The following TFAP2E variants were observed in gnomAD, a reference collection of about 807,000 sequenced individuals.
TFAP2E encodes the protein transcription factor AP-2-epsilon.
Under a neutral mutation model 37.9 loss-of-function variants are expected in TFAP2E, and 30 were observed. That is an observed-to-expected ratio of 0.79 (90% CI 0.59 to 1.07). The LOEUF (loss-of-function observed/expected upper bound fraction) is 1.07, where lower values mean the gene tolerates loss of function less well. Ranked by LOEUF, TFAP2E falls within the 50% of genes least tolerant of loss-of-function variation. TFAP2E has a pLI of 0.00. For synonymous variants in TFAP2E, 318 were observed against 295.8 expected, an observed-to-expected ratio of 1.08 and a Z score of -0.77; for missense variants, 567 against 637.9, an observed-to-expected ratio of 0.89 and a Z score of 1.20.
At position 35,588,210 on chromosome 1, in the gene TFAP2E, G is replaced by A. The variant is rs998416461; in HGVS notation, c.563-120G>A. Reference sequence around the variant, plus strand: ...ATCCATCAGTTGAGGGAACTTGGGCGAGTCACTTTCACCTCACTGTGGCTC... The same window carrying A: ...ATCCATCAGTTGAGGGAACTTGGGCAAGTCACTTTCACCTCACTGTGGCTC... On this transcript the variant is annotated intron_variant, in intron 3 of 6. Coordinates refer to ENST00000373235, the MANE Select transcript of TFAP2E (RefSeq NM_178548.4). This position sits in a 1 kb window ranked among gnomAD's most constrained non-coding sequence, Gnocchi z 5.1. The A allele has an allele frequency of 1.0e-5, 10 of 983,056 alleles. No homozygotes were observed. The highest frequency in any genetic ancestry group is 8.2e-5 in the African/African-American group (5 of 61,012). 60.9% of individuals were successfully genotyped at this position (983,056 alleles called of 1,614,324 possible).
At position 35,594,951 on chromosome 1, in the gene TFAP2E, A is replaced by G. The variant is rs369148687; in HGVS notation, c.*275A>G. On this transcript the variant is annotated 3_prime_UTR_variant, in exon 7 of 7. Coordinates refer to ENST00000373235, the MANE Select transcript of TFAP2E (RefSeq NM_178548.4). ...AGAAGGGTTTGGACAGAAAATTGAC[A>G]TGAAAAGATCTGGCTCATGGGGCAG... 1 of 503,420 alleles carries G rather than the reference A, an allele frequency of 2.0e-6. No individual in the cohort carries two copies. 31.2% of individuals were successfully genotyped at this position (503,420 alleles called of 1,614,324 possible).
intron 3 of TFAP2E, among the ~76,000 whole-genome samples, chr1:35,581,427 C>T (rs1407391516): frequency 6.6e-6 from 1 of 152,060 alleles, no homozygotes; most frequent in Non-Finnish European, 1.5e-5. Flanking sequence ...CCTAGGAGTG[C>T]AATTGCTGGA....
intron 3 of TFAP2E, among the ~76,000 whole-genome samples, chr1:35,583,070 T>G (rs1649396538): frequency 6.6e-6 from 1 of 152,030 alleles, no homozygotes; most frequent in Non-Finnish European, 1.5e-5. Context: ...GCTGGGCTAA[T>G]TTTTGTATTT....
At chr1:35,589,492 A>G (rs866918911) in intron 4 of TFAP2E, among the ~76,000 whole-genome samples, 8 of 103,860 alleles carry the variant, frequency 7.7e-5, no homozygotes, top group South Asian at 3.0e-4. Context: ...CTATTCTTTC[A>G]CGTGTGTGTG....
At chr1:35,591,984 G>A (rs1197859336) in intron 6 of TFAP2E, among the ~76,000 whole-genome samples, 2 of 151,956 alleles carry the variant, frequency 1.3e-5, no homozygotes, top group Non-Finnish European at 2.9e-5. Context: ...CACCACTCCC[G>A]GCCCCAAGAT....
intron 6 of TFAP2E, among the ~76,000 whole-genome samples, chr1:35,591,876 T>TG (rs1649697766): frequency 6.6e-6 from 1 of 152,072 alleles, no homozygotes. Context: ...TAAGTAGAGA[T>TG]GGGGTTTCAC....
At position 35,590,101 on chromosome 1, in the gene TFAP2E, G is replaced by A; in HGVS notation, c.904+53G>A. On this transcript the variant is annotated intron_variant, in intron 5 of 6. Transcript: ENST00000373235. The surrounding 1 kb of genome is among the most constrained non-coding windows in gnomAD (Gnocchi z 6.2). ...GAGTGGATGTGAGGGCAAGTGAGTT[G>A]TCTGGTGTGACTGTCTCTAATGCAG... is the stretch of plus-strand genomic sequence containing the variant. The A allele has an allele frequency of 6.4e-7, 1 of 1,551,550 alleles. No individual in the cohort carries two copies.
At chr1:35,587,952 T>C (rs1649532592) in intron 3 of TFAP2E, among the ~76,000 whole-genome samples, 2 of 151,922 alleles carry the variant, frequency 1.3e-5, no homozygotes, top group African/African-American at 4.8e-5. Flanking sequence ...GAAGAGGGGA[T>C]TTGGGGACTC....
At chr1:35,589,104 G>A (rs995115073) in intron 4 of TFAP2E, among the ~76,000 whole-genome samples, 9 of 151,984 alleles carry the variant, frequency 5.9e-5, no homozygotes, top group African/African-American at 2.2e-4. Flanking sequence ...CTATAGTAGC[G>A]GATGGCCAGG....
rs1325931685 is a variant in TFAP2E at position 35,579,261 on chromosome 1, T to TGGCAG, written c.562+4263_562+4267dup. 4.0e-5 allele frequency among the ~76,000 whole-genome samples: 6 copies of TGGCAG among 150,566 alleles called. No homozygotes were observed. In the South Asian group the frequency reaches 1.3e-3, roughly 32 times the overall value. On this transcript the variant is annotated intron_variant, in intron 3 of 6. Coordinates refer to ENST00000373235, the MANE Select transcript of TFAP2E (RefSeq NM_178548.4). ...AAATACAAAAATTAGCTGGGTGGGG[T>TGGCAG]GGCAGGCACCTGTAATCCCAGCTAC...
chr1:35,576,021 A>G (rs1649159141), intron 3 of TFAP2E, among the ~76,000 whole-genome samples: 1 of 152,244 alleles, frequency 6.6e-6, no homozygotes, highest in South Asian at 2.1e-4. Flanking sequence ...CATTTGGGGC[A>G]GGTGCCCGAA....
At chr1:35,580,594 A>G (rs1369939438) in intron 3 of TFAP2E, among the ~76,000 whole-genome samples, 1 of 152,066 alleles carries the variant, frequency 6.6e-6, no homozygotes, top group African/African-American at 2.4e-5. Flanking sequence ...CCCCATCTCT[A>G]CTAAAAAAAC....
chr1:35,581,962 G>A (rs1649363852), intron 3 of TFAP2E, among the ~76,000 whole-genome samples: 1 of 151,874 alleles, frequency 6.6e-6, no homozygotes, highest in Non-Finnish European at 1.5e-5. Context: ...TGCAACTTCT[G>A]CCTCCTGGGT....
At chr1:35,586,492 G>A (rs2148550981) in intron 3 of TFAP2E, among the ~76,000 whole-genome samples, 1 of 152,308 alleles carries the variant, frequency 6.6e-6, no homozygotes, top group Non-Finnish European at 1.5e-5. Context: ...TCTGGACTGG[G>A]GCAGGGTGAC....
Position 35,588,203 on chromosome 1 carries a change from C to A in TFAP2E, c.563-127C>A. The A allele has an allele frequency of 1.1e-6, 1 of 918,180 alleles. No homozygotes were observed. The highest frequency in any genetic ancestry group is 1.6e-6 in the Non-Finnish European group (1 of 628,010). The allele number at this position is 918,180 out of a possible 1,614,324, so 56.9% of individuals were successfully genotyped here. ...AGTTCACATCCATCAGTTGAGGGAA[C>A]TTGGGCGAGTCACTTTCACCTCACT... On this transcript the variant is annotated intron_variant, in intron 3 of 6. Transcript: ENST00000373235. This position sits in a 1 kb window ranked among gnomAD's most constrained non-coding sequence, Gnocchi z 5.1.
At chr1:35,579,727 TAAAC>T (rs1237716018) in intron 3 of TFAP2E, among the ~76,000 whole-genome samples, 1 of 152,028 alleles carries the variant, frequency 6.6e-6, no homozygotes, top group Non-Finnish European at 1.5e-5. Flanking sequence ...AAATCCACGA[TAAAC>T]AAAATATCAA....
At chr1:35,574,527 A>C in intron 2 of TFAP2E, 118 bp downstream of exon 2, 44 of 1,336,974 alleles carry the variant, frequency 3.3e-5, no homozygotes, top group Non-Finnish European at 3.9e-5. Flanking sequence ...GCCACATCTC[A>C]CTGGTGACTC....
At position 35,577,343 on chromosome 1, in the gene TFAP2E, C is replaced by T; in HGVS notation, c.562+2343C>T. The T allele has an allele frequency of 4.4e-6, 2 of 456,646 alleles. No homozygotes were observed. The highest frequency in any genetic ancestry group is 3.3e-4 in the Middle Eastern group (1 of 3,058). The allele number at this position is 456,646 out of a possible 1,614,324, so 28.3% of individuals were successfully genotyped here. A position where few individuals can be genotyped will look rare whatever the true frequency, so the allele number is the denominator to read the frequency against. ...TCACCTTGGCCCTCCGCGGTCACTG[C>T]GGGATTCGGCGTTGCCGCCAGCCCA... On this transcript the variant is annotated intron_variant, in intron 3 of 6. Coordinates refer to ENST00000373235, the MANE Select transcript of TFAP2E (RefSeq NM_178548.4). This position sits in a 1 kb window ranked among gnomAD's most constrained non-coding sequence, Gnocchi z 6.3.
Position 35,581,819 on chromosome 1 carries a change from G to A in TFAP2E, c.563-6511G>A, listed in dbSNP as rs375603279. ...ACTCCCGACCTCAGGTGATCCACCC[G>A]CCTTGGCCTCCCAAAATGCTGGGCT... On this transcript the variant is annotated intron_variant, in intron 3 of 6. Coordinates refer to ENST00000373235, the MANE Select transcript of TFAP2E (RefSeq NM_178548.4). Among the ~76,000 whole-genome samples, 34 of 151,892 alleles carry A rather than the reference G, an allele frequency of 2.2e-4. No homozygotes were observed. The East Asian group carries it at 5.8e-3, about 26-fold the overall frequency.
Sources: allele counts gnomAD v4.1 joint callset (sites outside exome capture counted in the v4.1 genomes callset), GRCh38; gene constraint gnomAD v4.1.1; non-coding constraint Gnocchi (gnomAD v3.1); transcripts MANE v1.5; gene names NCBI Gene and HGNC (gene_info 2026-07-23, HGNC 2026-07-21).